Variants in STAM observed in about 807,000 individuals in gnomAD.
STAM encodes the protein signal transducing adaptor molecule, also known as signal transducing adapter molecule 1.
Under a neutral mutation model 63.4 loss-of-function variants are expected in STAM, and 16 were observed. The ratio of observed to expected loss-of-function variants is 0.25; its 90% CI spans 0.17 to 0.38. The LOEUF (loss-of-function observed/expected upper bound fraction) is 0.38, where lower values mean the gene tolerates loss of function less well. Ranked by LOEUF, STAM falls within the 10% of genes least tolerant of loss-of-function variation. The probability of loss-of-function intolerance (pLI) is 1.00; values close to 1 mark genes in which losing one functional copy is unlikely to be tolerated. For synonymous variants in STAM, 238 were observed against 223.9 expected (o/e 1.06, Z -0.56); for missense variants, 636 against 657.1 (o/e 0.97, Z 0.35).
chr10:17,653,258 A>C (rs1589023849), intron 1 of STAM, among the ~76,000 whole-genome samples: 5 of 152,200 alleles, frequency 3.3e-5, no homozygotes, highest in Admixed American at 3.3e-4. Flanking sequence ...AGTCCATCGA[A>C]ACCTACACTG....
At chr10:17,645,555 G>C (rs1554820727) in intron 1 of STAM, among the ~76,000 whole-genome samples, 1 of 152,060 alleles carries the variant, frequency 6.6e-6, no homozygotes, top group Non-Finnish European at 1.5e-5. Flanking sequence ...ATTCCATTCT[G>C]CAGTTAAATA....
At chr10:17,688,709 C>A (rs533917676) in intron 5 of STAM, among the ~76,000 whole-genome samples, 1 of 151,888 alleles carries the variant, frequency 6.6e-6, no homozygotes, top group Non-Finnish European at 1.5e-5. Context: ...GTGTTCTGCC[C>A]GCCTCGGCCT....
Position 17,647,092 on chromosome 10 carries a change from G to A in STAM, c.40+2713G>A, listed in dbSNP as rs947460901. ...AGAATGTGAGCTCTGTGAGGACAGG[G>A]ATTTTTGTTTGATTTTTTCACTGCC... On this transcript the variant is annotated intron_variant, in intron 1 of 13. Coordinates refer to ENST00000377524, the MANE Select transcript of STAM (RefSeq NM_003473.4). 9.2e-5 allele frequency among the ~76,000 whole-genome samples: 14 copies of A among 152,282 alleles called. 1 individual carries two copies. In the South Asian group the frequency reaches 2.9e-3, roughly 32 times the overall value.
intron 2 of STAM, among the ~76,000 whole-genome samples, chr10:17,670,608 A>G (rs1312446594): frequency 2.0e-5 from 3 of 152,192 alleles, no homozygotes; most frequent in Non-Finnish European, 4.4e-5. Flanking sequence ...CATGGTCTAG[A>G]AAACTCAAAA....
intron 1 of STAM, among the ~76,000 whole-genome samples, chr10:17,658,096 A>G (rs782577349): frequency 9.9e-5 from 15 of 152,058 alleles, no homozygotes; most frequent in Non-Finnish European, 8.8e-5. Context: ...ATATGTATTC[A>G]ATGCTATAAA....
At chr10:17,661,784 T>C (rs11254712) in intron 2 of STAM, among the ~76,000 whole-genome samples, 17,564 of 152,198 alleles carry the variant, frequency 0.12, 1,114 homozygotes, top group Middle Eastern at 0.16. Context: ...TTTTTGAGCA[T>C]AGCCAAATGG....
At chr10:17,687,852 GT>G (rs1307354223) in intron 4 of STAM, among the ~76,000 whole-genome samples, 174 bp from the exon 5 acceptor site, 1 of 152,018 alleles carries the variant, frequency 6.6e-6, no homozygotes, top group East Asian at 1.9e-4. Context: ...TATATGATGG[GT>G]TTTTTCATAG....
chr10:17,656,407 T>G (rs1554822169), intron 1 of STAM, among the ~76,000 whole-genome samples: 1 of 152,110 alleles, frequency 6.6e-6, no homozygotes, highest in African/African-American at 2.4e-5. Context: ...TAGGTCTCAT[T>G]GACTTTTAAC....
chr10:17,682,700 G>A (rs1835135376), intron 2 of STAM, among the ~76,000 whole-genome samples: 1 of 151,904 alleles, frequency 6.6e-6, no homozygotes. Context: ...CCATGCACAT[G>A]AAAAAAAATG....
chr10:17,677,847 A>G (rs1314367940), intron 2 of STAM, among the ~76,000 whole-genome samples: 1 of 152,180 alleles, frequency 6.6e-6, no homozygotes, highest in East Asian at 1.9e-4. Flanking sequence ...TAATTTTTCT[A>G]TATAATTATT....
chr10:17,687,325 A>G (rs1421339088), intron 4 of STAM, among the ~76,000 whole-genome samples: 1 of 152,084 alleles, frequency 6.6e-6, no homozygotes, highest in African/African-American at 2.4e-5. Flanking sequence ...AAGTACAAAA[A>G]TTAGCTGGGC....
intron 2 of STAM, among the ~76,000 whole-genome samples, chr10:17,674,295 G>T (rs1554824402): frequency 6.6e-6 from 1 of 152,150 alleles, no homozygotes; most frequent in African/African-American, 2.4e-5. Context: ...AGTAGTAACT[G>T]TCCTAACACT....
At chr10:17,662,201 C>T (rs1834200004) in intron 2 of STAM, among the ~76,000 whole-genome samples, 2 of 152,140 alleles carry the variant, frequency 1.3e-5, no homozygotes, top group Non-Finnish European at 2.9e-5. Context: ...TCTTCTGAAT[C>T]ATGCATTTTC....
At chr10:17,655,763 T>TC (rs1204776143) in intron 1 of STAM, among the ~76,000 whole-genome samples, 1 of 152,056 alleles carries the variant, frequency 6.6e-6, no homozygotes, top group Non-Finnish European at 1.5e-5. Flanking sequence ...ATTTCCACTG[T>TC]CCCCCCAACC....
rs782048712 is a variant in STAM at position 17,688,057 on chromosome 10, G to A, written c.328G>A (p.Ala110Thr). 10 of 1,599,812 alleles carry A rather than the reference G, an allele frequency of 6.3e-6. No homozygotes were observed. Among genetic ancestry groups the A allele is most frequent in the Non-Finnish European group, 7.7e-6 (9 of 1,174,056 alleles). The change falls in exon 5 of 14, where the codon GCT (alanine) becomes ACT (threonine). Residue 110 changes from alanine to threonine, a missense_variant. Ala to Thr is a moderately conservative substitution (Grantham distance 58). Coordinates refer to ENST00000377524, the MANE Select transcript of STAM (RefSeq NM_003473.4). ...TCCTAAAGTATGTGAAAAATTAAAG[G>A]CTCTTATGGTTGAATGGACAGATGA... ...GHPKVCEKLK[A>T]LMVEWTDEFK...
In STAM at chr10:17,664,147, C is replaced by G. The variant is rs66927489; in HGVS notation, c.125+3599C>G. ...TAGGCCCTGTGCCTACATGCATAAG[C>G]GTTTACAGAATTGGGTTACATATTC... is the stretch of plus-strand genomic sequence containing the variant. On this transcript the variant is annotated intron_variant, in intron 2 of 13. Coordinates refer to ENST00000377524, the MANE Select transcript of STAM (RefSeq NM_003473.4). Among the ~76,000 whole-genome samples the G allele has an allele frequency of 1.9e-3, 283 of 151,968 alleles. 1 individual carries two copies. Among genetic ancestry groups the G allele is most frequent in the Middle Eastern group, 0.01 (3 of 294 alleles).
chr10:17,687,996 G>T (rs782156905), intron 4 of STAM, 31 bp from the exon 5 acceptor site: 4 of 1,520,300 alleles, frequency 2.6e-6, no homozygotes, highest in Non-Finnish European at 2.6e-6. Flanking sequence ...TAGGAAATTG[G>T]TGCTCTTTTA....
chr10:17,695,770 T>C (rs1262472676), intron 7 of STAM: 1 of 152,262 alleles, frequency 6.6e-6, no homozygotes, highest in African/African-American at 2.4e-5. Context: ...TAATGAAGTA[T>C]TAAAATTTGC....
At chr10:17,700,093 A>G (rs1554828147) in intron 8 of STAM, 98 bp from the exon 9 acceptor site, 3 of 953,160 alleles carry the variant, frequency 3.1e-6, no homozygotes, top group African/African-American at 3.5e-5. Context: ...TGCTGGGAGT[A>G]TAAGAAAAAT....
Sources: allele counts gnomAD v4.1 joint callset (sites outside exome capture counted in the v4.1 genomes callset), GRCh38; gene constraint gnomAD v4.1.1; transcripts MANE v1.5; gene names NCBI Gene and HGNC (gene_info 2026-07-23, HGNC 2026-07-21).